The following ROR1 variants were observed in gnomAD, a reference collection of about 807,000 sequenced individuals.
The protein encoded by ROR1 is ROR family WNT receptor 1, also known as inactive tyrosine-protein kinase transmembrane receptor ROR1.
In ROR1, 19 loss-of-function variants were observed where a neutral mutation model predicts 78.8. The ratio of observed to expected loss-of-function variants is 0.24; its 90% CI spans 0.17 to 0.35. The LOEUF (loss-of-function observed/expected upper bound fraction) is 0.35, where lower values mean the gene tolerates loss of function less well. Ranked by LOEUF, ROR1 falls within the 10% of genes least tolerant of loss-of-function variation. ROR1 has a pLI of 1.00. For missense variants in ROR1, 917 were observed against 1,177.8 expected, an observed-to-expected ratio of 0.78 and a Z score of 3.24; for synonymous variants, 386 against 433.6, an observed-to-expected ratio of 0.89 and a Z score of 1.36.
chr1:63,844,078 C>T (rs1032762255), intron 1 of ROR1, among the ~76,000 whole-genome samples: 1 of 152,184 alleles, frequency 6.6e-6, no homozygotes, highest in Non-Finnish European at 1.5e-5. Context: ...CTTACTCTCC[C>T]AGTGACTTAA....
chr1:64,092,104 C>T (rs1225486385), intron 4 of ROR1, among the ~76,000 whole-genome samples: 2 of 136,766 alleles, frequency 1.5e-5, no homozygotes, highest in Non-Finnish European at 3.1e-5. Context: ...TCCCTCCCTC[C>T]CTCCCTCCCT....
chr1:63,900,207 AC>A (rs1645473653), intron 1 of ROR1, among the ~76,000 whole-genome samples: 1 of 152,144 alleles, frequency 6.6e-6, no homozygotes, highest in East Asian at 1.9e-4. Context: ...TAATCCCAGC[AC>A]CTTGGGAGGC....
intron 1 of ROR1, among the ~76,000 whole-genome samples, chr1:63,934,460 G>A (rs192220793): frequency 6.6e-6 from 1 of 152,288 alleles, no homozygotes; most frequent in Admixed American, 6.5e-5. Context: ...CCTGGCTCCT[G>A]TAGTAAGCAT....
intron 4 of ROR1, among the ~76,000 whole-genome samples, chr1:64,104,157 A>G (rs894809275): frequency 6.6e-6 from 1 of 152,052 alleles, no homozygotes; most frequent in Non-Finnish European, 1.5e-5. Flanking sequence ...CATCTTTACT[A>G]TTATTATCCC....
chr1:64,035,009 A>G (rs1646690627), intron 2 of ROR1, among the ~76,000 whole-genome samples: 1 of 152,200 alleles, frequency 6.6e-6, no homozygotes, highest in South Asian at 2.1e-4. Flanking sequence ...AGTGACACCA[A>G]AATCCTCAGT....
At position 63,815,478 on chromosome 1, in the gene ROR1, C is replaced by CTTTTTTTTTTTTTTTTTT. The variant is rs1446331528; in HGVS notation, c.91+40975_91+40976insTTTTTTTTTTTTTTTTTT. 1.9e-3 allele frequency among the ~76,000 whole-genome samples: 198 copies of CTTTTTTTTTTTTTTTTTT among 103,434 alleles called. 7 individuals carry two copies. The highest frequency in any genetic ancestry group is 6.8e-3 in the East Asian group (25 of 3,688). 67.9% of individuals were successfully genotyped at this position (103,434 alleles called of 152,430 possible). On this transcript the variant is annotated intron_variant, in intron 1 of 8. Transcript: ENST00000371079. ...TTTTCTTTTTCTTTTCTTTTCTTTT[C>CTTTTTTTTTTTTTTTTTT]TTTTTCTTTTTTTTTTTTTTTTGAG...
At chr1:63,920,805 C>T (rs1359441127) in intron 1 of ROR1, among the ~76,000 whole-genome samples, 2 of 152,202 alleles carry the variant, frequency 1.3e-5, no homozygotes, top group Admixed American at 6.5e-5. Context: ...AACCAAGTGG[C>T]ATTCCCACAA....
intron 1 of ROR1, among the ~76,000 whole-genome samples, chr1:63,998,166 C>T (rs1441522517): frequency 6.6e-6 from 1 of 152,034 alleles, no homozygotes; most frequent in Non-Finnish European, 1.5e-5. Flanking sequence ...GAGACATGAC[C>T]CTCCCTCTCA....
chr1:63,844,219 C>T (rs551337465), intron 1 of ROR1, among the ~76,000 whole-genome samples: 10 of 152,310 alleles, frequency 6.6e-5, no homozygotes, highest in Non-Finnish European at 1.3e-4. Flanking sequence ...TGTCTTTCCA[C>T]TCTCTGCCTC....
rs1650524048 is a variant in ROR1 at position 64,180,650 on chromosome 1, G to T, written c.*1795G>T. The T allele has an allele frequency of 6.6e-6, 1 of 152,166 alleles. No homozygotes were observed. 9.4% of individuals were successfully genotyped at this position (152,166 alleles called of 1,614,324 possible). On this transcript the variant is annotated 3_prime_UTR_variant, in exon 9 of 9. Transcript: ENST00000371079. The stretch of plus-strand genomic sequence containing the variant: ...TTACATTTCTTAACTTTAGGTAGAG[G>T]AGAATATTTGTATCCTTTTGTTGCT...
At chr1:64,097,171 A>G (rs987426167) in intron 4 of ROR1, among the ~76,000 whole-genome samples, 15 of 117,348 alleles carry the variant, frequency 1.3e-4, no homozygotes, top group Non-Finnish European at 2.2e-4. Context: ...TGGAGGCTCA[A>G]GGGGAGAATC....
At chr1:63,858,735 G>A (rs1188210866) in intron 1 of ROR1, among the ~76,000 whole-genome samples, 2 of 152,062 alleles carry the variant, frequency 1.3e-5, no homozygotes, top group African/African-American at 2.4e-5. Context: ...TTTTGATGCT[G>A]TCCAGAATGC....
At chr1:63,789,100 C>A (rs1004515691) in intron 1 of ROR1, 4 of 615,816 alleles carry the variant, frequency 6.5e-6, no homozygotes, top group Non-Finnish European at 9.4e-6. Flanking sequence ...TTCCGGTAGG[C>A]CAAGGTGTTT....
At chr1:64,137,110 G>A (rs969945868) in intron 4 of ROR1, among the ~76,000 whole-genome samples, 1 of 152,122 alleles carries the variant, frequency 6.6e-6, no homozygotes, top group East Asian at 1.9e-4. Context: ...CACCAGCTGC[G>A]AAAATAAAAG....
rs114117706 is a variant in ROR1, at chr1:63,842,796, C to T, written c.91+68288C>T. On this transcript the variant is annotated intron_variant, in intron 1 of 8. Coordinates refer to ENST00000371079, the MANE Select transcript of ROR1 (RefSeq NM_005012.4). ...GGGAGGGGTCATCTCCACAACATTC[C>T]ATTTATACACAGAACTGAACAGCAA... Among the ~76,000 whole-genome samples, 580 of 151,942 alleles carry T rather than the reference C, an allele frequency of 3.8e-3. 4 individuals carry two copies. Among genetic ancestry groups the T allele is most frequent in the African/African-American group, 0.013 (557 of 41,422 alleles).
intron 2 of ROR1, among the ~76,000 whole-genome samples, chr1:64,023,471 G>A (rs2100559251): frequency 6.6e-6 from 1 of 152,238 alleles, no homozygotes; most frequent in Middle Eastern, 3.4e-3. Context: ...AAGGTAAGGT[G>A]GGCCTGATGT....
At chr1:63,958,466 A>C (rs565215439) in intron 1 of ROR1, among the ~76,000 whole-genome samples, 1 of 152,240 alleles carries the variant, frequency 6.6e-6, no homozygotes, top group African/African-American at 2.4e-5. Context: ...TTAAGTGCAT[A>C]CTCTGAGTCC....
At chr1:64,042,902 T>C (rs1646755799) in intron 2 of ROR1, among the ~76,000 whole-genome samples, 1 of 152,224 alleles carries the variant, frequency 6.6e-6, no homozygotes, top group Non-Finnish European at 1.5e-5. Flanking sequence ...GACCTAACTG[T>C]GTTTGGCAGC....
At chr1:63,904,883 T>A (rs1295323554) in intron 1 of ROR1, among the ~76,000 whole-genome samples, 1 of 152,158 alleles carries the variant, frequency 6.6e-6, no homozygotes, top group Non-Finnish European at 1.5e-5. Context: ...AAATTCCTGT[T>A]GTTTGATTCT....
Sources: allele counts gnomAD v4.1 joint callset (sites outside exome capture counted in the v4.1 genomes callset), GRCh38; gene constraint gnomAD v4.1.1; transcripts MANE v1.5; gene names NCBI Gene and HGNC (gene_info 2026-07-23, HGNC 2026-07-21).